The following KCNH1 variants were observed in gnomAD, a reference collection of about 807,000 sequenced individuals.
The protein encoded by KCNH1 is voltage-gated delayed rectifier potassium channel KCNH1.
Under a neutral mutation model 69.2 loss-of-function variants are expected in KCNH1, and 27 were observed. The ratio of observed to expected loss-of-function variants is 0.39; its 90% CI spans 0.29 to 0.54. The LOEUF (loss-of-function observed/expected upper bound fraction) is 0.54, where lower values mean the gene tolerates loss of function less well. KCNH1 is among the 20% of genes least tolerant of loss of function. The probability of loss-of-function intolerance (pLI) is 0.68; values close to 1 mark genes in which losing one functional copy is unlikely to be tolerated. For synonymous variants in KCNH1, 456 were observed against 487.7 expected (o/e 0.93, Z 0.86); for missense variants, 798 against 1,261.6 (o/e 0.63, Z 5.57).
At chr1:211,100,256 C>T (rs113346982) in intron 3 of KCNH1, among the ~76,000 whole-genome samples, 3,237 of 152,266 alleles carry the variant, frequency 0.021, 50 homozygotes, top group South Asian at 0.041. Context: ...CCACCACTAC[C>T]GCTTTTAAGA....
At chr1:210,929,486 G>C (rs1045750616) in intron 6 of KCNH1, among the ~76,000 whole-genome samples, 67 of 152,118 alleles carry the variant, frequency 4.4e-4, no homozygotes, top group African/African-American at 1.6e-3. Flanking sequence ...ATCGCTTTAT[G>C]ATTAAAACTC....
intron 6 of KCNH1, among the ~76,000 whole-genome samples, chr1:210,946,578 A>C (rs111464670): frequency 1.3e-5 from 2 of 152,092 alleles, no homozygotes; most frequent in Admixed American, 1.3e-4. Flanking sequence ...CTAGAGACAC[A>C]TCTCACAATA....
At chr1:211,009,600 CTTTTCTTTTTTT>C (rs1689355092) in intron 6 of KCNH1, among the ~76,000 whole-genome samples, 1 of 97,500 alleles carries the variant, frequency 1.0e-5, no homozygotes, top group African/African-American at 5.4e-5. Flanking sequence ...AAGTTATTTT[CTTTTCTTTTTTT>C]TTTTCTTTTT....
chr1:210,792,368 C>G (rs1234073349), intron 9 of KCNH1, among the ~76,000 whole-genome samples: 1 of 152,188 alleles, frequency 6.6e-6, no homozygotes, highest in East Asian at 1.9e-4. Context: ...TGAGGCTCTT[C>G]AAAGCCTAAC....
intron 7 of KCNH1, among the ~76,000 whole-genome samples, chr1:210,915,910 A>G (rs1687324309): frequency 6.6e-6 from 1 of 152,208 alleles, no homozygotes. Flanking sequence ...TAAGGCATAT[A>G]AAATTCAATG....
chr1:210,934,877 G>T (rs1687747492), intron 6 of KCNH1, among the ~76,000 whole-genome samples: 1 of 151,654 alleles, frequency 6.6e-6, no homozygotes, highest in Non-Finnish European at 1.5e-5. Context: ...TATATTGCTT[G>T]TATATATACA....
intron 5 of KCNH1, among the ~76,000 whole-genome samples, chr1:211,023,160 AAATT>A (rs367671816): frequency 0.092 from 9,232 of 100,428 alleles, 431 homozygotes; most frequent in African/African-American, 0.14. Flanking sequence ...ATAAATAAAT[AAATT>A]AAAAATGCTG....
chr1:210,737,811 A>T (rs1175335728), intron 10 of KCNH1, among the ~76,000 whole-genome samples: 4 of 152,192 alleles, frequency 2.6e-5, no homozygotes, highest in Non-Finnish European at 5.9e-5. Context: ...ATTGCTACCA[A>T]CTTAGACTAA....
intron 5 of KCNH1, among the ~76,000 whole-genome samples, chr1:211,025,403 C>T (rs73073474): frequency 0.015 from 2,324 of 152,224 alleles, 40 homozygotes; most frequent in African/African-American, 0.051. Flanking sequence ...TTCCACCCCT[C>T]TTACCAATGC....
chr1:210,913,639 C>T (rs1053691004), intron 7 of KCNH1, among the ~76,000 whole-genome samples: 9 of 152,110 alleles, frequency 5.9e-5, no homozygotes, highest in African/African-American at 2.2e-4. Context: ...AATATAAGGA[C>T]ACAGCTCCAA....
chr1:211,002,133 C>T lies in KCNH1; in HGVS notation c.1032+16650G>A, dbSNP rs187793689. On this transcript the variant is annotated intron_variant, in intron 6 of 10. Coordinates refer to ENST00000271751, the MANE Select transcript of KCNH1 (RefSeq NM_172362.3). ...GTATGTAACAAACCTGCACGTTGTGCACATGTACACATATGTAACAAACCT... is the reference window on the plus strand; with the variant it reads ...GTATGTAACAAACCTGCACGTTGTGTACATGTACACATATGTAACAAACCT... 4.6e-5 allele frequency among the ~76,000 whole-genome samples: 7 copies of T among 152,002 alleles called. No homozygotes were observed. In the East Asian group the frequency reaches 1.4e-3, roughly 29 times the overall value.
chr1:211,100,248 A>T (rs1691233701), intron 3 of KCNH1, among the ~76,000 whole-genome samples: 1 of 152,062 alleles, frequency 6.6e-6, no homozygotes, highest in Non-Finnish European at 1.5e-5. Context: ...CGCCTTCTCC[A>T]CCACTACCGC....
rs567658245 is a variant in KCNH1 at position 210,956,439 on chromosome 1, C to T, written c.1033-36370G>A. On this transcript the variant is annotated intron_variant, in intron 6 of 10. Transcript: ENST00000271751. ...CATAAAATGAGTTAGTGAAGATTCC[C>T]TCTTTTTCTATTGATTGGAATAGTT... 3.9e-5 allele frequency among the ~76,000 whole-genome samples: 6 copies of T among 152,068 alleles called. No individual in the cohort carries two copies. The South Asian group carries it at 1.2e-3, about 32-fold the overall frequency.
At chr1:210,888,255 C>T (rs534242426) in intron 7 of KCNH1, among the ~76,000 whole-genome samples, 3 of 152,242 alleles carry the variant, frequency 2.0e-5, no homozygotes, top group East Asian at 3.9e-4. Context: ...TTAAGAAACT[C>T]ACTCAAAACC....
At chr1:211,016,922 A>AAAAT (rs139001420) in intron 6 of KCNH1, among the ~76,000 whole-genome samples, 36 of 146,576 alleles carry the variant, frequency 2.5e-4, no homozygotes, top group South Asian at 4.3e-4. Context: ...AAAAAAAAAA[A>AAAAT]TTTTAAAATT....
chr1:210,843,219 T>G (rs1278090658), intron 7 of KCNH1, among the ~76,000 whole-genome samples: 2 of 152,200 alleles, frequency 1.3e-5, no homozygotes, highest in African/African-American at 4.8e-5. Context: ...GTTGAGTTAA[T>G]GTGCTTCCAA....
chr1:210,948,470 T>C (rs1291718691), intron 6 of KCNH1, among the ~76,000 whole-genome samples: 2 of 152,144 alleles, frequency 1.3e-5, no homozygotes, highest in Non-Finnish European at 2.9e-5. Context: ...CAGGCTTTGC[T>C]GGCCATACAG....
chr1:210,696,636 CATTTT>C, intron 10 of KCNH1, among the ~76,000 whole-genome samples: 1 of 152,272 alleles, frequency 6.6e-6, no homozygotes, highest in South Asian at 2.1e-4. Flanking sequence ...ACTCAGTCCT[CATTTT>C]ATGGGGGGCA....
rs1367588193 is a variant in KCNH1 at position 210,977,136 on chromosome 1, C to T, written c.1032+41647G>A. On this transcript the variant is annotated intron_variant, in intron 6 of 10. Coordinates refer to ENST00000271751, the MANE Select transcript of KCNH1 (RefSeq NM_172362.3). ...GCCATGAAAAAGGATGAGTTCATGT[C>T]CTTTGTAGGGATATGGATGAAGCCA... 2.6e-5 allele frequency among the ~76,000 whole-genome samples: 4 copies of T among 152,150 alleles called. No homozygotes were observed. In the East Asian group the frequency reaches 7.7e-4, roughly 29 times the overall value.
Sources: gnomAD v4.1 joint callset for allele counts (sites outside exome capture counted in the v4.1 genomes callset) on GRCh38, gnomAD v4.1.1 for gene constraint, MANE v1.5 for transcripts, NCBI Gene and HGNC (gene_info 2026-07-23, HGNC 2026-07-21) for gene names.